Variants in STIM2 observed in about 807,000 individuals in gnomAD.
STIM2 encodes the protein stromal interaction molecule 2.
STIM2 carries 31 observed loss-of-function variants against 85.8 expected under a neutral mutation model. The ratio of observed to expected loss-of-function variants is 0.36; its 90% CI spans 0.27 to 0.49. The LOEUF is 0.49. Ranked by LOEUF, STIM2 falls within the 20% of genes least tolerant of loss-of-function variation. The pLI, the probability that STIM2 is intolerant of heterozygous loss-of-function variation, is 0.98. For synonymous variants in STIM2, 356 were observed against 331.1 expected, an observed-to-expected ratio of 1.08 and a Z score of -0.82; for missense variants, 841 against 927.6, an observed-to-expected ratio of 0.91 and a Z score of 1.21.
At chr4:26,992,655 T>C (rs1437893516) in intron 3 of STIM2, among the ~76,000 whole-genome samples, 1 of 152,162 alleles carries the variant, frequency 6.6e-6, no homozygotes, top group African/African-American at 2.4e-5. Context: ...AAGGAGCTTA[T>C]ACTCAGCAAA....
chr4:26,891,599 C>CACA (rs1212823566), intron 1 of STIM2, among the ~76,000 whole-genome samples: 5 of 138,908 alleles, frequency 3.6e-5, no homozygotes, highest in East Asian at 2.1e-4. Context: ...ACACACACAC[C>CACA]CCCTTTTGGT....
At chr4:27,013,571 C>A (rs1480398814) in intron 10 of STIM2, among the ~76,000 whole-genome samples, 1 of 151,932 alleles carries the variant, frequency 6.6e-6, no homozygotes, top group African/African-American at 2.4e-5. Flanking sequence ...AATTCTGGAA[C>A]AAGATTGCTT....
intron 3 of STIM2, among the ~76,000 whole-genome samples, chr4:26,993,494 T>G (rs1347481521): frequency 6.6e-6 from 1 of 152,064 alleles, no homozygotes; most frequent in Non-Finnish European, 1.5e-5. Context: ...GAAACCTAGC[T>G]TTGCTTGCAA....
chr4:26,898,806 C>T (rs1237563569), intron 1 of STIM2, among the ~76,000 whole-genome samples: 1 of 151,948 alleles, frequency 6.6e-6, no homozygotes, highest in Admixed American at 6.6e-5. Context: ...GCATTTTATG[C>T]ATTTTGATGA....
intron 3 of STIM2, among the ~76,000 whole-genome samples, chr4:26,958,604 A>G (rs2109094220): frequency 6.6e-6 from 1 of 152,160 alleles, no homozygotes; most frequent in East Asian, 1.9e-4. Flanking sequence ...GCTTGCTTAC[A>G]TGTGTTTCTG....
intron 1 of STIM2, among the ~76,000 whole-genome samples, chr4:26,873,400 TA>T (rs1282772093): frequency 4.8e-3 from 677 of 139,830 alleles, no homozygotes; most frequent in Middle Eastern, 0.011. Flanking sequence ...ACTCCGTCTT[TA>T]AAAAAAAAAA....
At chr4:26,869,299 CAAAAAA>C (rs71186495) in intron 1 of STIM2, among the ~76,000 whole-genome samples, 1 of 85,882 alleles carries the variant, frequency 1.2e-5, no homozygotes. Flanking sequence ...ACCCTGTCTC[CAAAAAA>C]AAAAAAAAAA....
intron 3 of STIM2, among the ~76,000 whole-genome samples, chr4:26,966,802 A>G (rs930595458): frequency 6.6e-6 from 1 of 152,134 alleles, no homozygotes; most frequent in Admixed American, 6.6e-5. Flanking sequence ...TATATCTTAT[A>G]ATTAAAAACC....
chr4:26,915,818 G>A (rs1191668731), intron 1 of STIM2, among the ~76,000 whole-genome samples: 1 of 152,166 alleles, frequency 6.6e-6, no homozygotes, highest in Admixed American at 6.5e-5. Flanking sequence ...ACTGAGGGGA[G>A]GACATTTGTC....
intron 10 of STIM2, among the ~76,000 whole-genome samples, chr4:27,016,976 T>TTTTGTTCTG (rs1371830897): frequency 1.3e-5 from 2 of 152,222 alleles, no homozygotes; most frequent in African/African-American, 4.8e-5. Context: ...GTTCTGATGC[T>TTTTGTTCTG]ATAGCATCTG....
chr4:26,987,346 A>G (rs1165821843), intron 3 of STIM2, among the ~76,000 whole-genome samples: 1 of 152,194 alleles, frequency 6.6e-6, no homozygotes, highest in Admixed American at 6.5e-5. Flanking sequence ...AGAAAGGGAA[A>G]CTGGGTGCAG....
At chr4:26,871,946 T>C (rs1391549881) in intron 1 of STIM2, among the ~76,000 whole-genome samples, 1 of 152,178 alleles carries the variant, frequency 6.6e-6, no homozygotes, top group Non-Finnish European at 1.5e-5. Flanking sequence ...TAATTTTGGG[T>C]AGATGATTTA....
intron 1 of STIM2, among the ~76,000 whole-genome samples, chr4:26,910,208 CA>C (rs1203751833): frequency 6.6e-6 from 1 of 151,940 alleles, no homozygotes. Flanking sequence ...TAGGAATTTA[CA>C]GTATAAAACA....
chr4:26,914,757 A>G (rs931896435), intron 1 of STIM2, among the ~76,000 whole-genome samples: 2 of 152,234 alleles, frequency 1.3e-5, no homozygotes, highest in Non-Finnish European at 2.9e-5. Context: ...ACAATATAAT[A>G]TACTTAATAT....
chr4:26,984,471 C>T (rs1334373583), intron 3 of STIM2, among the ~76,000 whole-genome samples: 2 of 152,190 alleles, frequency 1.3e-5, no homozygotes, highest in Admixed American at 6.5e-5. Context: ...AGTGATTCTC[C>T]TGCTTCAGCC....
chr4:27,014,587 C>A (rs968306005), intron 10 of STIM2, among the ~76,000 whole-genome samples: 1 of 151,378 alleles, frequency 6.6e-6, no homozygotes, highest in Admixed American at 6.6e-5. Context: ...CTGATACTTG[C>A]CTTGTGACTT....
Position 26,904,759 on chromosome 4 carries a change from C to CT in STIM2, c.152-14728dup, listed in dbSNP as rs758379549. Among the ~76,000 whole-genome samples, 327 of 127,794 alleles carry CT rather than the reference C, an allele frequency of 2.6e-3. 2 individuals carry two copies. The highest frequency in any genetic ancestry group is 5.7e-3 in the African/African-American group (197 of 34,566). 83.8% of individuals were successfully genotyped at this position (127,794 alleles called of 152,430 possible). ...TGAAGTGGGGTTGAGAGTGTTTTGT[C>CT]TTTTTTTTTTTTTTTTTAAAGGATG... On this transcript the variant is annotated intron_variant, in intron 1 of 11. Coordinates refer to ENST00000467087, the MANE Select transcript of STIM2 (RefSeq NM_020860.4).
At chr4:26,957,173 A>G (rs541520045) in intron 2 of STIM2, among the ~76,000 whole-genome samples, 1 of 152,302 alleles carries the variant, frequency 6.6e-6, no homozygotes, top group Non-Finnish European at 1.5e-5. Context: ...TACAGTGTAA[A>G]TGCTATGTAA....
chr4:26,965,975 C>A (rs1381671971), intron 3 of STIM2, among the ~76,000 whole-genome samples: 2 of 152,058 alleles, frequency 1.3e-5, no homozygotes, highest in South Asian at 2.1e-4. Flanking sequence ...GTATATAATT[C>A]AACATGTGAA....
Sources: allele counts gnomAD v4.1 joint callset (sites outside exome capture counted in the v4.1 genomes callset), GRCh38; gene constraint gnomAD v4.1.1; transcripts MANE v1.5; gene names NCBI Gene and HGNC (gene_info 2026-07-23, HGNC 2026-07-21).